FBXL17: variants seen among roughly 807,000 people sequenced by gnomAD.
The protein encoded by FBXL17 is F-box and leucine rich repeat protein 17.
A neutral mutation model predicts 66.2 loss-of-function variants in FBXL17; 22 were observed. That is an observed-to-expected ratio of 0.33 (90% CI 0.24 to 0.47). FBXL17 has a LOEUF of 0.47. Ranked by LOEUF, FBXL17 falls within the 20% of genes least tolerant of loss-of-function variation. The pLI is 1.00. For synonymous variants in FBXL17, 474 were observed against 400.5 expected (o/e 1.18, Z -2.19); for missense variants, 878 against 948.2 (o/e 0.93, Z 0.97).
intron 7 of FBXL17, among the ~76,000 whole-genome samples, chr5:107,912,811 T>C (rs1237472778): frequency 6.6e-6 from 1 of 152,110 alleles, no homozygotes; most frequent in African/African-American, 2.4e-5. Context: ...CAATTACAAA[T>C]GTAATAATAA....
chr5:107,980,664 A>ATATATATATATATATATTTTTTTTTT, intron 7 of FBXL17, among the ~76,000 whole-genome samples: 9 of 62,064 alleles, frequency 1.5e-4, no homozygotes, highest in African/African-American at 9.2e-4. Context: ...ATATATATAT[A>ATATATATATATATATATTTTTTTTTT]TTTTTTTTTT....
intron 7 of FBXL17, among the ~76,000 whole-genome samples, chr5:107,959,548 G>A (rs901205132): frequency 5.3e-5 from 8 of 152,006 alleles, no homozygotes; most frequent in African/African-American, 1.9e-4. Context: ...CGGTTTATTT[G>A]CTTGGTACAT....
At chr5:107,983,341 G>A (rs1299341201) in intron 7 of FBXL17, among the ~76,000 whole-genome samples, 9 of 151,904 alleles carry the variant, frequency 5.9e-5, no homozygotes, top group African/African-American at 1.2e-4. Context: ...ACAGGCACGC[G>A]CCACTATGCC....
chr5:107,878,246 T>C (rs558420645), intron 8 of FBXL17: 4 of 964,228 alleles, frequency 4.1e-6, no homozygotes, highest in East Asian at 1.1e-4. Flanking sequence ...TTTTTTTCCT[T>C]TCTTTTTAAT....
intron 4 of FBXL17, among the ~76,000 whole-genome samples, chr5:108,290,821 A>G (rs140562268): frequency 2.0e-5 from 3 of 152,318 alleles, no homozygotes; most frequent in African/African-American, 7.2e-5. Context: ...TTTGAATTAC[A>G]TCCTGTAAAT....
At chr5:107,959,551 T>C (rs996537855) in intron 7 of FBXL17, among the ~76,000 whole-genome samples, 4 of 152,132 alleles carry the variant, frequency 2.6e-5, no homozygotes, top group Non-Finnish European at 5.9e-5. Context: ...TTTATTTGCT[T>C]GGTACATTTC....
intron 6 of FBXL17, among the ~76,000 whole-genome samples, chr5:108,087,899 G>A (rs1561403579): frequency 1.3e-5 from 2 of 152,180 alleles, no homozygotes; most frequent in African/African-American, 4.8e-5. Context: ...AATTGAAAAG[G>A]CTTTGAGCAA....
At chr5:108,024,535 T>G (rs1461234477) in intron 6 of FBXL17, among the ~76,000 whole-genome samples, 2 of 152,178 alleles carry the variant, frequency 1.3e-5, no homozygotes, top group Non-Finnish European at 2.9e-5. Flanking sequence ...TAATTTATTC[T>G]GAATTGCCTA....
At chr5:107,890,523 G>T (rs1244075309) in intron 7 of FBXL17, among the ~76,000 whole-genome samples, 1 of 152,030 alleles carries the variant, frequency 6.6e-6, no homozygotes, top group Non-Finnish European at 1.5e-5. Flanking sequence ...AATAAGCTGG[G>T]TGTGGTGATG....
In FBXL17 at chr5:108,102,058, A is replaced by G. The variant is rs375740487; in HGVS notation, c.1746-81057T>C. Reference sequence around the variant, plus strand: ...AAGTGGCTGGGGCCCAAGTGAGATGAGCTGAATTCGTTTCGGCAGCTTGTA... The same window carrying G: ...AAGTGGCTGGGGCCCAAGTGAGATGGGCTGAATTCGTTTCGGCAGCTTGTA... On this transcript the variant is annotated intron_variant, in intron 6 of 8. Coordinates refer to ENST00000542267, the MANE Select transcript of FBXL17 (RefSeq NM_001163315.3). Among the ~76,000 whole-genome samples, 38 of 152,226 alleles carry G rather than the reference A, an allele frequency of 2.5e-4. No homozygotes were observed. In the East Asian group the frequency reaches 3.3e-3, roughly 13 times the overall value.
In FBXL17 at chr5:108,156,343, T is replaced by C. The variant is rs1751996016; in HGVS notation, c.1745+29774A>G. Among the ~76,000 whole-genome samples the C allele has an allele frequency of 1.3e-5, 2 of 151,998 alleles. 1 individual carries two copies. Among genetic ancestry groups the C allele is most frequent in the South Asian group, 4.1e-4 (2 of 4,824 alleles). On this transcript the variant is annotated intron_variant, in intron 6 of 8. Coordinates refer to ENST00000542267, the MANE Select transcript of FBXL17 (RefSeq NM_001163315.3). ...AATTAATTGAGAAGACAAAATCCTC[T>C]ATGAAATGTAAATTGTATATACTCA...
intron 4 of FBXL17, among the ~76,000 whole-genome samples, chr5:108,259,323 A>C (rs1160562752): frequency 6.6e-6 from 1 of 152,242 alleles, no homozygotes; most frequent in African/African-American, 2.4e-5. Flanking sequence ...TAAAAAGCTA[A>C]AACTATGAAG....
Position 108,381,300 on chromosome 5 carries a change from G to A in FBXL17, c.392C>T (p.Ala131Val). 2.8e-6 allele frequency: 4 copies of A among 1,403,768 alleles called. No homozygotes were observed. Among genetic ancestry groups the A allele is most frequent in the Non-Finnish European group, 3.7e-6 (4 of 1,083,754 alleles). The allele number at this position is 1,403,768 out of a possible 1,614,324, so 87.0% of individuals were successfully genotyped here. Reference sequence around the variant, plus strand: ...GGAGGCGGGCGACGAAGCCGAGGCGGCAGCGGCGGCGGCGGCGGCGGCCGA... The same window carrying A: ...GGAGGCGGGCGACGAAGCCGAGGCGACAGCGGCGGCGGCGGCGGCGGCCGA... ...LSSAAAAAAA[A>V]ASASSPASCC... is the part of the protein sequence containing the mutation. Residue 131 changes from alanine to valine, a missense_variant, in exon 1 of 9, where the codon GCC (alanine) becomes GTC (valine). This residue lies in a region of FBXL17 where 605 missense variants were observed against 509.5 expected (regional missense o/e 1.19). Coordinates refer to ENST00000542267, the MANE Select transcript of FBXL17 (RefSeq NM_001163315.3).
intron 7 of FBXL17, among the ~76,000 whole-genome samples, chr5:108,014,514 C>T (rs1754305024): frequency 6.6e-6 from 1 of 152,098 alleles, no homozygotes; most frequent in Non-Finnish European, 1.5e-5. Flanking sequence ...AAGTCCCTCT[C>T]AATAGATTTG....
intron 4 of FBXL17, among the ~76,000 whole-genome samples, chr5:108,332,191 T>C (rs182158225): frequency 1.1e-3 from 172 of 152,290 alleles, no homozygotes; most frequent in Non-Finnish European, 1.9e-3. Flanking sequence ...AAGTTATTGA[T>C]AATATTCTAA....
intron 6 of FBXL17, among the ~76,000 whole-genome samples, chr5:108,072,092 C>T (rs1278616754): frequency 6.6e-6 from 1 of 152,126 alleles, no homozygotes; most frequent in Non-Finnish European, 1.5e-5. Context: ...ATGGGTACTT[C>T]ACTTTGCCTG....
chr5:108,242,060 A>T (rs527549213), intron 4 of FBXL17, among the ~76,000 whole-genome samples: 1 of 152,216 alleles, frequency 6.6e-6, no homozygotes, highest in Non-Finnish European at 1.5e-5. Context: ...TTAATGAGCA[A>T]GAATACATCA....
In FBXL17 at chr5:108,381,252, G is replaced by A. The variant is rs1485688459; in HGVS notation, c.440C>T (p.Ala147Val). ...CTGCTGCTCCCAGGCGGCGGCCGCA[G>A]CCAGCCCCAACTCTTTGCAGCAGGA... ...PASCCKELGL[A>V]AAAAWEQQGR... Residue 147 changes from alanine (A) to valine (V), a missense_variant, in exon 1 of 9, where the codon GCT (alanine) becomes GTT (valine). This residue lies in a region of FBXL17 where 605 missense variants were observed against 509.5 expected (regional missense o/e 1.19). Transcript: ENST00000542267. 8 of 1,442,894 alleles carry A rather than the reference G, an allele frequency of 5.5e-6. No individual in the cohort carries two copies. The highest frequency in any genetic ancestry group is 7.3e-6 in the Non-Finnish European group (8 of 1,100,408). 89.4% of individuals were successfully genotyped at this position (1,442,894 alleles called of 1,614,324 possible). A position where few individuals can be genotyped will look rare whatever the true frequency, so the allele number is the denominator to read the frequency against.
At chr5:107,871,057 CAAAAAAAAA>C (rs201752049) in intron 8 of FBXL17, among the ~76,000 whole-genome samples, 1 of 65,892 alleles carries the variant, frequency 1.5e-5, no homozygotes, top group African/African-American at 7.5e-5. Flanking sequence ...TCTTGGGCGG[CAAAAAAAAA>C]AAAAAAAAAA....
Sources: allele counts gnomAD v4.1 joint callset (sites outside exome capture counted in the v4.1 genomes callset), GRCh38; gene constraint gnomAD v4.1.1; regional missense constraint gnomAD v4.1.1; transcripts MANE v1.5; gene names NCBI Gene and HGNC (gene_info 2026-07-23, HGNC 2026-07-21).